Variants in EPHB1 observed in about 807,000 individuals in gnomAD.
The protein encoded by EPHB1 is ephrin type-B receptor 1.
In EPHB1, 30 loss-of-function variants were observed where a neutral mutation model predicts 94.4. That is an observed-to-expected ratio of 0.32 (90% CI 0.24 to 0.43). The LOEUF (loss-of-function observed/expected upper bound fraction) is 0.43, where lower values mean the gene tolerates loss of function less well. EPHB1 is among the 20% of genes least tolerant of loss of function. The pLI, the probability that EPHB1 is intolerant of heterozygous loss-of-function variation, is 1.00. For missense variants in EPHB1, 1,055 were observed against 1,308.3 expected (o/e 0.81, Z 2.99); for synonymous variants, 522 against 489.1 (o/e 1.07, Z -0.89).
intron 12 of EPHB1, among the ~76,000 whole-genome samples, chr3:135,220,544 T>C (rs1167521037): frequency 1.3e-5 from 2 of 151,182 alleles, no homozygotes; most frequent in African/African-American, 2.4e-5. Flanking sequence ...TGCTTGTGAG[T>C]GCAAGGTGCT....
intron 1 of EPHB1, among the ~76,000 whole-genome samples, chr3:134,880,748 G>A (rs977064767): frequency 3.9e-5 from 6 of 152,240 alleles, no homozygotes; most frequent in African/African-American, 1.2e-4. Flanking sequence ...GGGCCTTAGA[G>A]CCAAGCTGTG....
At chr3:134,961,639 G>A (rs560368115) in intron 3 of EPHB1, among the ~76,000 whole-genome samples, 10 of 152,272 alleles carry the variant, frequency 6.6e-5, no homozygotes, top group African/African-American at 2.4e-4. Context: ...TTGCATAGGG[G>A]CACACTACAG....
intron 1 of EPHB1, among the ~76,000 whole-genome samples, chr3:134,866,561 G>A (rs1055116339): frequency 5.3e-5 from 8 of 152,174 alleles, no homozygotes; most frequent in African/African-American, 1.7e-4. Context: ...CTGGAGTGGG[G>A]GTATGGGGAC....
intron 2 of EPHB1, among the ~76,000 whole-genome samples, chr3:134,935,324 G>T (rs532474497): frequency 2.6e-4 from 39 of 152,318 alleles, no homozygotes; most frequent in African/African-American, 8.7e-4. Context: ...GAGGGTCAGG[G>T]TTGTCAGAAG....
At chr3:134,965,381 T>C (rs963985050) in intron 3 of EPHB1, among the ~76,000 whole-genome samples, 2 of 152,158 alleles carry the variant, frequency 1.3e-5, no homozygotes, top group Admixed American at 6.5e-5. Context: ...TATCTCTGCC[T>C]ACCTACCCTG....
At chr3:135,041,761 T>C (rs1260772361) in intron 3 of EPHB1, among the ~76,000 whole-genome samples, 1 of 152,138 alleles carries the variant, frequency 6.6e-6, no homozygotes, top group Non-Finnish European at 1.5e-5. Flanking sequence ...AACAAAAATT[T>C]GTTGACTCAT....
At chr3:135,114,537 T>TAAAAAAA (rs56100882) in intron 4 of EPHB1, among the ~76,000 whole-genome samples, 4 of 37,214 alleles carry the variant, frequency 1.1e-4, no homozygotes, top group Admixed American at 5.0e-4. Flanking sequence ...CTGTCTCTAC[T>TAAAAAAA]AAAAAAAAAA....
chr3:134,840,123 G>T (rs144441391), intron 1 of EPHB1, among the ~76,000 whole-genome samples: 30 of 152,268 alleles, frequency 2.0e-4, no homozygotes, highest in Non-Finnish European at 3.5e-4. Flanking sequence ...CTATTTCTAT[G>T]CATCCTTCTG....
At chr3:135,091,082 A>G (rs1330090318) in intron 3 of EPHB1, among the ~76,000 whole-genome samples, 2 of 152,254 alleles carry the variant, frequency 1.3e-5, no homozygotes, top group Admixed American at 6.5e-5. Context: ...TCTTAGCTAC[A>G]CTTACTTAAA....
intron 3 of EPHB1, among the ~76,000 whole-genome samples, chr3:135,050,764 T>C (rs1458802846): frequency 6.6e-6 from 1 of 152,192 alleles, no homozygotes; most frequent in Non-Finnish European, 1.5e-5. Flanking sequence ...CCCCATGCTC[T>C]CTTGCTTCCT....
intron 3 of EPHB1, among the ~76,000 whole-genome samples, chr3:134,998,199 G>T (rs772064850): frequency 6.6e-6 from 1 of 152,172 alleles, no homozygotes; most frequent in Non-Finnish European, 1.5e-5. Flanking sequence ...CACCACTTCT[G>T]GGTCATGACT....
intron 5 of EPHB1, among the ~76,000 whole-genome samples, chr3:135,134,410 G>A (rs1374415346): frequency 6.6e-6 from 1 of 152,156 alleles, no homozygotes; most frequent in Non-Finnish European, 1.5e-5. Context: ...TTGAGTTTAA[G>A]CTGTCAGAAC....
At chr3:135,143,664 G>C (rs576138850) in intron 5 of EPHB1, among the ~76,000 whole-genome samples, 2 of 152,164 alleles carry the variant, frequency 1.3e-5, no homozygotes, top group Non-Finnish European at 2.9e-5. Context: ...CCTGAGGGGA[G>C]GCAGAGGCCA....
chr3:135,061,197 G>A (rs980374777), intron 3 of EPHB1, among the ~76,000 whole-genome samples: 1 of 152,138 alleles, frequency 6.6e-6, no homozygotes, highest in African/African-American at 2.4e-5. Flanking sequence ...GTTCTTCAGT[G>A]GTGATTTGTG....
chr3:135,037,657 A>G (rs754762759), intron 3 of EPHB1, among the ~76,000 whole-genome samples: 1 of 152,224 alleles, frequency 6.6e-6, no homozygotes, highest in Non-Finnish European at 1.5e-5. Context: ...ATAGAAAAGG[A>G]GTAAATGAAC....
At chr3:135,252,095 A>G (rs1428859512) in intron 15 of EPHB1, among the ~76,000 whole-genome samples, 1 of 152,078 alleles carries the variant, frequency 6.6e-6, no homozygotes, top group African/African-American at 2.4e-5. Flanking sequence ...GGAATGGCAC[A>G]TGCAAAGTAC....
At chr3:134,861,117 T>C (rs2037247142) in intron 1 of EPHB1, among the ~76,000 whole-genome samples, 1 of 152,088 alleles carries the variant, frequency 6.6e-6, no homozygotes, top group South Asian at 2.1e-4. Flanking sequence ...GGTCTACAGA[T>C]GTTGGAATCA....
chr3:135,020,742 T>G lies in EPHB1; in HGVS notation c.805+68690T>G, dbSNP rs1935962820. On this transcript the variant is annotated intron_variant, in intron 3 of 15. Transcript: ENST00000398015. ...TCTAGTTAAATTTACAACTATATTT[T>G]CTGCTAATTTTTTTAAAACTACTTT... 2.0e-5 allele frequency among the ~76,000 whole-genome samples: 3 copies of G among 152,370 alleles called. No individual in the cohort carries two copies. In the South Asian group the frequency reaches 6.2e-4, roughly 32 times the overall value.
At chr3:134,948,492 C>G (rs1201219068) in intron 2 of EPHB1, among the ~76,000 whole-genome samples, 2 of 151,936 alleles carry the variant, frequency 1.3e-5, no homozygotes, top group Non-Finnish European at 2.9e-5. Flanking sequence ...CAGAACGTAA[C>G]TTTAATAAAC....
Sources: allele counts gnomAD v4.1 joint callset (sites outside exome capture counted in the v4.1 genomes callset), GRCh38; gene constraint gnomAD v4.1.1; transcripts MANE v1.5; gene names NCBI Gene and HGNC (gene_info 2026-07-23, HGNC 2026-07-21).